The following DSG2 variants were observed in gnomAD, a reference collection of about 807,000 sequenced individuals.
DSG2 encodes the protein desmoglein-2.
Under a neutral mutation model 75.6 loss-of-function variants are expected in DSG2, and 45 were observed. The ratio of observed to expected loss-of-function variants is 0.60; its 90% CI spans 0.47 to 0.76. DSG2 has a LOEUF of 0.76. Ranked by LOEUF, DSG2 falls within the 30% of genes least tolerant of loss-of-function variation. DSG2 has a pLI of 0.00. For synonymous variants in DSG2, 429 were observed against 483.9 expected, an observed-to-expected ratio of 0.89 and a Z score of 1.49; for missense variants, 1,267 against 1,357.4, an observed-to-expected ratio of 0.93 and a Z score of 1.05.
chr18:31,512,675 A>G (rs571534410), intron 1 of DSG2, among the ~76,000 whole-genome samples: 12 of 152,322 alleles, frequency 7.9e-5, no homozygotes, highest in African/African-American at 2.9e-4. Context: ...TCACCACCGC[A>G]TGGCCTGGGC....
chr18:31,534,971 T>C (rs539049773), intron 9 of DSG2, among the ~76,000 whole-genome samples: 2 of 152,306 alleles, frequency 1.3e-5, no homozygotes, highest in African/African-American at 4.8e-5. Context: ...TCAAATGCCA[T>C]AGGACAGACT....
At position 31,547,945 on chromosome 18, in the gene DSG2, A is replaced by G. The variant is rs1331742312; in HGVS notation, c.*1202A>G. On this transcript the variant is annotated 3_prime_UTR_variant, in exon 15 of 15. Coordinates refer to ENST00000261590, the MANE Select transcript of DSG2 (RefSeq NM_001943.5). ...GCCTATTTCACTGCTGTGTAGCCTC[A>G]GTGCCTAACATGGGTGCCAAATAAA... is the stretch of plus-strand genomic sequence containing the variant. 1 of 152,226 alleles carries G rather than the reference A, an allele frequency of 6.6e-6. No individual in the cohort carries two copies. The highest frequency in any genetic ancestry group is 1.5e-5 in the Non-Finnish European group (1 of 68,036). 9.4% of individuals were successfully genotyped at this position (152,226 alleles called of 1,614,324 possible).
At chr18:31,515,600 T>C in intron 1 of DSG2, among the ~76,000 whole-genome samples, 1 of 152,198 alleles carries the variant, frequency 6.6e-6, no homozygotes, top group Admixed American at 6.5e-5. Flanking sequence ...AGCACCACTT[T>C]GGTTAGAGAC....
chr18:31,537,150 G>GT (rs34096640), intron 11 of DSG2, among the ~76,000 whole-genome samples: 22 of 150,468 alleles, frequency 1.5e-4, no homozygotes, highest in Admixed American at 4.6e-4. Context: ...ACAATAGTCA[G>GT]TTTTTTTTTT....
rs149617776 is a variant in DSG2 at position 31,546,595 on chromosome 18, C to T, written c.3209C>T (p.Thr1070Met). 1,533 of 1,614,176 alleles carry T rather than the reference C, an allele frequency of 9.5e-4. 13 individuals carry two copies. The Admixed American group carries it at 0.011, about 11-fold the overall frequency. ...SYQIPTENSM[T>M]ARNTTVSGAG... is the part of the protein sequence containing the mutation. ...CAGATTCCCACTGAAAATTCTATGA[C>T]GGCTAGGAACACCACGGTGTCTGGA... The change falls in exon 15 of 15, where the codon ACG becomes ATG. Residue 1070 changes from threonine to methionine, a missense_variant. Thr to Met is a moderately conservative substitution (Grantham distance 81). Coordinates refer to ENST00000261590, the MANE Select transcript of DSG2 (RefSeq NM_001943.5).
intron 1 of DSG2, among the ~76,000 whole-genome samples, chr18:31,513,964 G>C (rs1411182565): frequency 6.6e-6 from 1 of 152,176 alleles, no homozygotes; most frequent in Non-Finnish European, 1.5e-5. Flanking sequence ...AGGATACTCA[G>C]CCAGTATTCC....
chr18:31,534,393 C>T (rs2073215788), intron 9 of DSG2, among the ~76,000 whole-genome samples: 2 of 151,988 alleles, frequency 1.3e-5, no homozygotes, highest in East Asian at 1.9e-4. Flanking sequence ...AACCCAGAAA[C>T]GATTTTATCG....
rs2144340042 is a variant in DSG2 at position 31,535,473 on chromosome 18, T to C, written c.1423+61T>C. 5 of 1,399,812 alleles carry C rather than the reference T, an allele frequency of 3.6e-6. No homozygotes were observed. The South Asian group carries it at 3.6e-5, about 10-fold the overall frequency. The allele number at this position is 1,399,812 out of a possible 1,614,324, so 86.7% of individuals were successfully genotyped here. A position where few individuals can be genotyped will look rare whatever the true frequency, so the allele number is the denominator to read the frequency against. ...GTATTTAGATTTTTATTTTCCAACA[T>C]CAGAAACCATTGATTTGATTGTGTA... On this transcript the variant is annotated intron_variant, in intron 10 of 14. Transcript: ENST00000261590.
At chr18:31,533,563 AG>A (rs2144336558) in intron 9 of DSG2, among the ~76,000 whole-genome samples, 2 of 152,384 alleles carry the variant, frequency 1.3e-5, no homozygotes, top group East Asian at 3.9e-4. Context: ...CTTTTACAAC[AG>A]AGAACAGAAG....
At chr18:31,510,802 A>G (rs2073062422) in intron 1 of DSG2, among the ~76,000 whole-genome samples, 1 of 152,208 alleles carries the variant, frequency 6.6e-6, no homozygotes, top group Non-Finnish European at 1.5e-5. Flanking sequence ...CTAGCAGCTT[A>G]CTTTTCCTCG....
intron 1 of DSG2, among the ~76,000 whole-genome samples, chr18:31,512,505 C>T (rs2073072734): frequency 6.6e-6 from 1 of 152,216 alleles, no homozygotes; most frequent in African/African-American, 2.4e-5. Context: ...ATGGCCTGTT[C>T]TCCATACAGT....
At chr18:31,515,532 G>A (rs2073089837) in intron 1 of DSG2, among the ~76,000 whole-genome samples, 1 of 152,198 alleles carries the variant, frequency 6.6e-6, no homozygotes, top group South Asian at 2.1e-4. Flanking sequence ...ATCTATCTCA[G>A]CATTGCTTTC....
chr18:31,502,193 C>G (rs560620582), intron 1 of DSG2, among the ~76,000 whole-genome samples: 1 of 152,100 alleles, frequency 6.6e-6, no homozygotes, highest in African/African-American at 2.4e-5. Flanking sequence ...TAGAAATCCC[C>G]GATAAGCTAA....
At chr18:31,536,165 A>C (rs1231310042) in intron 10 of DSG2, 37 bp from the exon 11 acceptor site, 1 of 1,599,024 alleles carries the variant, frequency 6.3e-7, no homozygotes. Flanking sequence ...CAGCAATAGG[A>C]ACAGAATGTA....
intron 4 of DSG2, 38 bp downstream of exon 4, chr18:31,521,002 T>C: frequency 6.2e-7 from 1 of 1,610,128 alleles, no homozygotes; most frequent in Non-Finnish European, 8.5e-7. Flanking sequence ...GTTTGTAGTT[T>C]TTCTGTCATA....
At chr18:31,521,044 A>G (rs1598810605) in intron 4 of DSG2, 55 bp from the exon 5 acceptor site, 3 of 1,610,568 alleles carry the variant, frequency 1.9e-6, no homozygotes, top group East Asian at 4.5e-5. Flanking sequence ...TTTTCATAGT[A>G]TGGTAATTTA....
Position 31,501,865 on chromosome 18 carries a change from T to A in DSG2, c.45+3569T>A, listed in dbSNP as rs139983546. Among the ~76,000 whole-genome samples the A allele has an allele frequency of 2.1e-3, 320 of 152,318 alleles. 6 individuals carry two copies. The highest frequency in any genetic ancestry group is 0.018 in the Admixed American group (271 of 15,300). On this transcript the variant is annotated intron_variant, in intron 1 of 14. Transcript: ENST00000261590. ...CTTTTAGGGGTCATAATTTGATCCA[T>A]AACAAGTGGATTCAAGTATCTATAA... is the stretch of plus-strand genomic sequence containing the variant.
Position 31,516,516 on chromosome 18 carries a change from C to T in DSG2, c.46-1723C>T, listed in dbSNP as rs561499260. On this transcript the variant is annotated intron_variant, in intron 1 of 14. Transcript: ENST00000261590. ...TAAGGGTAAGGCAATGACAAAGTGA[C>T]GATATAATTTATAGTGTGAGCACAC... Among the ~76,000 whole-genome samples, 92 of 152,220 alleles carry T rather than the reference C, an allele frequency of 6.0e-4. 1 individual carries two copies. The South Asian group carries it at 0.016, about 27-fold the overall frequency.
chr18:31,524,789 T>C lies in DSG2; in HGVS notation c.915T>C (p.Asn305=), dbSNP rs1484918582. 1.9e-6 allele frequency: 3 copies of C among 1,614,208 alleles called. No homozygotes were observed. Among genetic ancestry groups the C allele is most frequent in the Non-Finnish European group, 2.5e-6 (3 of 1,180,032 alleles). The change falls in exon 8 of 15, where the codon AAT becomes AAC. Residue 305 remains asparagine (N), a synonymous_variant. Coordinates refer to ENST00000261590, the MANE Select transcript of DSG2 (RefSeq NM_001943.5). The part of the protein sequence containing the change: ...VFDADEIGSD[N]WLANFTFASG... The stretch of plus-strand genomic sequence containing the variant: ...ATGCAGATGAAATAGGTTCTGATAA[T>C]TGGCTGGCAAATTTTACATTTGCAT...
Sources: allele counts gnomAD v4.1 joint callset (sites outside exome capture counted in the v4.1 genomes callset), GRCh38; gene constraint gnomAD v4.1.1; transcripts MANE v1.5; gene names NCBI Gene and HGNC (gene_info 2026-07-23, HGNC 2026-07-21).